EXOSC10: variants seen among roughly 807,000 people sequenced by gnomAD.
The protein encoded by EXOSC10 is exosome complex component 10.
A neutral mutation model predicts 126.6 loss-of-function variants in EXOSC10; 94 were observed. The observed-to-expected ratio is 0.74, with a 90% CI of 0.63 to 0.88. The LOEUF (loss-of-function observed/expected upper bound fraction) is 0.88, where lower values mean the gene tolerates loss of function less well. Among genes scored for constraint, EXOSC10 ranks in the 40% least tolerant of loss-of-function variants. EXOSC10 has a pLI of 0.00. For synonymous variants in EXOSC10, 395 were observed against 400.8 expected, an observed-to-expected ratio of 0.99 and a Z score of 0.17; for missense variants, 1,041 against 1,100.5, an observed-to-expected ratio of 0.95 and a Z score of 0.77.
chr1:11,066,785 G>A (rs763675833), intron 24 of EXOSC10, 37 bp from the exon 25 acceptor site: 15 of 1,612,008 alleles, frequency 9.3e-6, no homozygotes, highest in Non-Finnish European at 1.3e-5. Flanking sequence ...ATTTCTTCCG[G>A]GCTGGTTGGA....
intron 24 of EXOSC10, among the ~76,000 whole-genome samples, chr1:11,067,183 G>A (rs1639143817): frequency 6.6e-6 from 1 of 152,282 alleles, no homozygotes; most frequent in Admixed American, 6.5e-5. Flanking sequence ...TGTAACCCCA[G>A]CACTGTGGGA....
chr1:11,087,441 G>T lies in EXOSC10; in HGVS notation c.1089+7C>A, dbSNP rs1172980701. On this transcript the variant is annotated splice_region_variant and intron_variant, in intron 9 of 24. Transcript: ENST00000376936. ...TCACATGCATGAGTTACAAAAGGCT[G>T]GCTGACCTTAACGATGGCTGGGTCT... is the stretch of plus-strand genomic sequence containing the variant. The T allele has an allele frequency of 6.2e-7, 1 of 1,614,000 alleles. No individual in the cohort carries two copies. The highest frequency in any genetic ancestry group is 1.7e-5 in the Admixed American group (1 of 59,982).
rs181587628 is a variant in EXOSC10, at chr1:11,090,155, G to A, written c.758+399C>T. Among the ~76,000 whole-genome samples, 426 of 151,946 alleles carry A rather than the reference G, an allele frequency of 2.8e-3. 8 individuals carry two copies. Among genetic ancestry groups the A allele is most frequent in the African/African-American group, 9.3e-3 (386 of 41,442 alleles). On this transcript the variant is annotated intron_variant, in intron 6 of 24. Transcript: ENST00000376936. The stretch of plus-strand genomic sequence containing the variant: ...TGGGATTACAGGCACACACCACCTC[G>A]CCTGGCTAATTTTTGTATTTTCAGT...
In EXOSC10 at chr1:11,091,081, G is replaced by C; in HGVS notation, c.576C>G (p.Asp192Glu). Residue 192 changes from aspartate to glutamate, a missense_variant, in exon 5 of 25, where the codon GAC (aspartate) becomes GAG (glutamate). By Grantham distance (45) the Asp-to-Glu change is conservative. Coordinates refer to ENST00000376936, the MANE Select transcript of EXOSC10 (RefSeq NM_001001998.3). Reference protein sequence around the residue: ...RPQLKFREKIDNSNTPFLPKI... With the variant: ...RPQLKFREKIENSNTPFLPKI... ...TAGGAAGAAATGGTGTGTTGGAATT[G>C]TCAATCTTCTCTCGAAACTTGAGCT... The C allele has an allele frequency of 6.2e-7, 1 of 1,614,198 alleles. No homozygotes were observed. Among genetic ancestry groups the C allele is most frequent in the Non-Finnish European group, 8.5e-7 (1 of 1,180,016 alleles).
intron 5 of EXOSC10, 108 bp from the exon 6 acceptor site, chr1:11,090,776 G>A (rs1189893377): frequency 6.8e-6 from 6 of 887,838 alleles, no homozygotes; most frequent in Admixed American, 2.8e-5. Flanking sequence ...TTTTGAGACA[G>A]GGTCATGTTC....
In EXOSC10 at chr1:11,070,926, C is replaced by G; in HGVS notation, c.2290G>C (p.Ala764Pro). ...KEACKAAAEQAISVRQQVVLE... is the reference protein window; with the variant it reads ...KEACKAAAEQPISVRQQVVLE... ...ACGACCTGCTGTCGGACGGAGATGG[C>G]CTGTTCTGCTGCAGCTTTGCACGCC... The change falls in exon 21 of 25, where the codon GCC becomes CCC. Residue 764 changes from alanine (A) to proline (P), a missense_variant. By Grantham distance (27) the Ala-to-Pro change is conservative. Around this residue, in one of 3 missense-constraint regions of EXOSC10, gnomAD observed 388 missense variants for 415.2 expected, o/e 0.93. Coordinates refer to ENST00000376936, the MANE Select transcript of EXOSC10 (RefSeq NM_001001998.3). 1 of 1,614,110 alleles carries G rather than the reference C, an allele frequency of 6.2e-7. No individual in the cohort carries two copies. Among genetic ancestry groups the G allele is most frequent in the Non-Finnish European group, 8.5e-7 (1 of 1,179,984 alleles).
chr1:11,085,544 T>C (rs961485382), intron 9 of EXOSC10, among the ~76,000 whole-genome samples: 9 of 152,184 alleles, frequency 5.9e-5, no homozygotes, highest in African/African-American at 1.4e-4. Context: ...GTTTTCTAGA[T>C]ATACAATCAT....
rs1639110836 is a variant in EXOSC10, at chr1:11,066,633, T to G, written c.*85A>C. 46 of 1,492,446 alleles carry G rather than the reference T, an allele frequency of 3.1e-5. No individual in the cohort carries two copies. The South Asian group carries it at 4.9e-4, about 16-fold the overall frequency. 92.5% of individuals were successfully genotyped at this position (1,492,446 alleles called of 1,614,324 possible). On this transcript the variant is annotated 3_prime_UTR_variant, in exon 25 of 25. Transcript: ENST00000376936. ...AGGAATCAGCTTTCTTCAGGAAGAA[T>G]TTTAATGGTTTAAAAATATGTATGT...
At chr1:11,075,193 C>T (rs72870086) in intron 17 of EXOSC10, among the ~76,000 whole-genome samples, 10,951 of 151,774 alleles carry the variant, frequency 0.072, 616 homozygotes, top group East Asian at 0.15. Flanking sequence ...CCACAATGCC[C>T]GGCTAATTAA....
chr1:11,073,400 G>C (rs1000921167), intron 19 of EXOSC10, among the ~76,000 whole-genome samples: 1 of 152,078 alleles, frequency 6.6e-6, no homozygotes, highest in African/African-American at 2.4e-5. Context: ...TCAAAGTGCT[G>C]GGATTACAGG....
chr1:11,082,473 A>T (rs1052839548), intron 10 of EXOSC10: 18 of 1,214,652 alleles, frequency 1.5e-5, no homozygotes, highest in Non-Finnish European at 1.9e-5. Flanking sequence ...ATTTCCATGG[A>T]ACACAGTGTA....
In EXOSC10 at chr1:11,091,477, T is replaced by C; in HGVS notation, c.477+16A>G. 2 of 1,606,144 alleles carry C rather than the reference T, an allele frequency of 1.2e-6. No individual in the cohort carries two copies. The highest frequency in any genetic ancestry group is 1.7e-6 in the Non-Finnish European group (2 of 1,174,004). On this transcript the variant is annotated intron_variant, in intron 4 of 24. Coordinates refer to ENST00000376936, the MANE Select transcript of EXOSC10 (RefSeq NM_001001998.3). The stretch of plus-strand genomic sequence containing the variant: ...AGCTGACATCAAGAGCTCTAGTTAA[T>C]CTGAAAAGCCCTCACCTTACGGTTC...
intron 2 of EXOSC10, among the ~76,000 whole-genome samples, chr1:11,097,649 C>G (rs984689316): frequency 2.0e-5 from 3 of 151,668 alleles, no homozygotes; most frequent in Admixed American, 2.0e-4. Flanking sequence ...TAGCGTGAAC[C>G]TGGGAGGCGG....
At chr1:11,087,177 C>T (rs1164599056) in intron 9 of EXOSC10, among the ~76,000 whole-genome samples, 1 of 152,222 alleles carries the variant, frequency 6.6e-6, no homozygotes, top group Non-Finnish European at 1.5e-5. Context: ...AGCTTCAGTA[C>T]AGTCATCAAG....
chr1:11,068,978 G>A (rs1456911395), intron 22 of EXOSC10: 1 of 513,828 alleles, frequency 1.9e-6, no homozygotes, highest in Non-Finnish European at 3.5e-6. Flanking sequence ...CCGCACATAA[G>A]GAAATCCATT....
intron 1 of EXOSC10, 31 bp from the exon 2 acceptor site, chr1:11,098,187 A>T (rs1394281366): frequency 6.3e-7 from 1 of 1,581,568 alleles, no homozygotes; most frequent in Non-Finnish European, 8.6e-7. Context: ...TGGCATGTTT[A>T]CACAGGGATC....
In EXOSC10 at chr1:11,080,921, T is replaced by C. The variant is rs1278925132; in HGVS notation, c.1438-9A>G. The C allele has an allele frequency of 6.3e-7, 1 of 1,596,496 alleles. No individual in the cohort carries two copies. Among genetic ancestry groups the C allele is most frequent in the Non-Finnish European group, 8.5e-7 (1 of 1,172,178 alleles). On this transcript the variant is annotated splice_polypyrimidine_tract_variant and intron_variant, in intron 11 of 24. Transcript: ENST00000376936. Reference sequence around the variant, plus strand: ...ATAGGTTTGATGAATTTCTACAAAGTATTAGAGAACATTCAAAATCAACGG... The same window carrying C: ...ATAGGTTTGATGAATTTCTACAAAGCATTAGAGAACATTCAAAATCAACGG...
At chr1:11,080,605 C>G (rs959279367) in intron 12 of EXOSC10, 56 bp from the exon 13 acceptor site, 3 of 1,395,894 alleles carry the variant, frequency 2.1e-6, no homozygotes, top group Admixed American at 2.1e-5. Flanking sequence ...CACACACACA[C>G]GGTGGGGACA....
At chr1:11,068,510 C>T (rs1639246923) in intron 23 of EXOSC10, 135 bp downstream of exon 23, 5 of 721,372 alleles carry the variant, frequency 6.9e-6, no homozygotes, top group Non-Finnish European at 7.4e-6. Context: ...GTACTGTCTG[C>T]CCTTGGGAAG....
Sources: allele counts gnomAD v4.1 joint callset (sites outside exome capture counted in the v4.1 genomes callset), GRCh38; gene constraint gnomAD v4.1.1; regional missense constraint gnomAD v4.1.1; transcripts MANE v1.5; gene names NCBI Gene and HGNC (gene_info 2026-07-23, HGNC 2026-07-21).